Variants in MED12L observed in about 807,000 individuals in gnomAD.
The protein encoded by MED12L is mediator of RNA polymerase II transcription subunit 12-like protein.
A neutral mutation model predicts 281.3 loss-of-function variants in MED12L; 60 were observed. The ratio of observed to expected loss-of-function variants is 0.21; its 90% CI spans 0.17 to 0.26. The LOEUF is 0.26. Among genes scored for constraint, MED12L ranks in the 10% least tolerant of loss-of-function variants. The probability of loss-of-function intolerance (pLI) is 1.00; values close to 1 mark genes in which losing one functional copy is unlikely to be tolerated. For missense variants in MED12L, 2,146 were observed against 2,680.9 expected (o/e 0.80, Z 4.41); for synonymous variants, 974 against 987.2 (o/e 0.99, Z 0.25).
At chr3:151,203,681 CTTATT>C (rs1418164741) in intron 16 of MED12L, among the ~76,000 whole-genome samples, 1 of 151,478 alleles carries the variant, frequency 6.6e-6, no homozygotes, top group Non-Finnish European at 1.5e-5. Context: ...TTTTATTTAT[CTTATT>C]TTATGTTCAT....
intron 16 of MED12L, among the ~76,000 whole-genome samples, chr3:151,240,502 A>AT (rs1156423057): frequency 2.0e-5 from 3 of 152,208 alleles, no homozygotes; most frequent in Admixed American, 1.3e-4. Flanking sequence ...CTGTTTTAAA[A>AT]TTTATTTAAT....
At chr3:151,361,860 A>G (rs1754646370) in intron 21 of MED12L, among the ~76,000 whole-genome samples, 1 of 152,216 alleles carries the variant, frequency 6.6e-6, no homozygotes. Flanking sequence ...CATTCGTTGT[A>G]TCTTAGCACT....
intron 16 of MED12L, among the ~76,000 whole-genome samples, chr3:151,237,346 T>C (rs1281287858): frequency 4.3e-5 from 3 of 70,438 alleles, no homozygotes; most frequent in Non-Finnish European, 6.0e-5. Context: ...CTTTTTTTTT[T>C]TTTCTTTTTT....
At chr3:151,186,655 A>G (rs927698288) in intron 12 of MED12L, among the ~76,000 whole-genome samples, 4 of 152,102 alleles carry the variant, frequency 2.6e-5, no homozygotes, top group South Asian at 2.1e-4. Flanking sequence ...CTTCCTTTCC[A>G]GCATTCCTAG....
chr3:151,355,173 A>C lies in MED12L; in HGVS notation c.2451A>C (p.Thr817=), dbSNP rs778652021. Residue 817 remains threonine (T), a synonymous_variant, in exon 18 of 45, where the codon ACA becomes ACC. Transcript: ENST00000687756. Reference sequence around the variant, plus strand: ...AGAACAAACAGGAGACATTTCCAACACTGGAGACTGTGTTCACTAAACTCC... The same window carrying C: ...AGAACAAACAGGAGACATTTCCAACCCTGGAGACTGTGTTCACTAAACTCC... ...ARKNKQETFP[T]LETVFTKLQL... 1.2e-5 allele frequency: 20 copies of C among 1,613,930 alleles called. No homozygotes were observed. The highest frequency in any genetic ancestry group is 3.3e-5 in the South Asian group (3 of 91,084).
chr3:151,432,954 AG>A lies in MED12L; in HGVS notation c.*152del. On this transcript the variant is annotated 3_prime_UTR_variant, in exon 45 of 45. Coordinates refer to ENST00000687756, the MANE Select transcript of MED12L (RefSeq NM_001393769.1). ...TGCTACATCTCACAAAAAAAAAAAAAGGTGTTTAAACAAAAAGCCAAGGAGA... is the reference window on the plus strand; with the variant it reads ...TGCTACATCTCACAAAAAAAAAAAAAGTGTTTAAACAAAAAGCCAAGGAGA... 1.9e-6 allele frequency: 1 copy of A among 521,890 alleles called. No homozygotes were observed. Among genetic ancestry groups the A allele is most frequent in the South Asian group, 2.8e-5 (1 of 35,408 alleles). The allele number at this position is 521,890 out of a possible 1,614,324, so 32.3% of individuals were successfully genotyped here.
chr3:151,094,924 C>T (rs1720516319), intron 2 of MED12L, among the ~76,000 whole-genome samples: 2 of 152,154 alleles, frequency 1.3e-5, no homozygotes, highest in Admixed American at 1.3e-4. Context: ...GGTGCCTAGG[C>T]AGAGGGATCT....
intron 16 of MED12L, among the ~76,000 whole-genome samples, chr3:151,236,383 A>G (rs181702476): frequency 1.3e-5 from 2 of 152,356 alleles, no homozygotes; most frequent in East Asian, 3.9e-4. Context: ...TAGAATAATC[A>G]TAATTCTTGA....
intron 12 of MED12L, 35 bp downstream of exon 12, chr3:151,185,496 G>A (rs778592346): frequency 1.1e-4 from 175 of 1,609,622 alleles, no homozygotes; most frequent in Admixed American, 7.0e-4. Flanking sequence ...GTTGAATGCC[G>A]TAATGTAAAA....
chr3:151,201,245 T>A (rs562111141), intron 16 of MED12L, among the ~76,000 whole-genome samples: 27 of 150,636 alleles, frequency 1.8e-4, no homozygotes, highest in South Asian at 1.0e-3. Context: ...TCTCTCTCTC[T>A]CACACGCACA....
chr3:151,327,764 A>T (rs1259776244), intron 16 of MED12L: 1 of 377,284 alleles, frequency 2.7e-6, no homozygotes, highest in East Asian at 3.9e-5. Flanking sequence ...GAAAGAAATA[A>T]TGACCTCTAG....
intron 16 of MED12L, among the ~76,000 whole-genome samples, chr3:151,211,042 C>A (rs1345251478): frequency 6.6e-6 from 1 of 152,180 alleles, no homozygotes; most frequent in South Asian, 2.1e-4. Context: ...TCTGGGAAGT[C>A]GCTGGGTTAA....
intron 11 of MED12L, among the ~76,000 whole-genome samples, chr3:151,171,877 A>G (rs1051539073): frequency 1.1e-4 from 16 of 152,218 alleles, no homozygotes; most frequent in East Asian, 3.9e-4. Context: ...CCTGGGGTCT[A>G]TGTTTCTTCT....
intron 16 of MED12L, among the ~76,000 whole-genome samples, chr3:151,320,241 A>C (rs1273074761): frequency 6.6e-6 from 1 of 152,218 alleles, no homozygotes; most frequent in Non-Finnish European, 1.5e-5. Flanking sequence ...CTTCTTAAGG[A>C]AAATGCACAT....
chr3:151,292,288 C>CTTTTTTTTTTTTTTTTTTTT (rs35742538), intron 16 of MED12L, among the ~76,000 whole-genome samples: 3 of 139,894 alleles, frequency 2.1e-5, no homozygotes, highest in African/African-American at 8.2e-5. Context: ...AATATTGCTC[C>CTTTTTTTTTTTTTTTTTTTT]TTTTTTTTTT....
chr3:151,306,672 G>A lies in MED12L; in HGVS notation c.2251-43387G>A, dbSNP rs553068594. On this transcript the variant is annotated intron_variant, in intron 16 of 44. Transcript: ENST00000687756. ...ATGGGTGGGGAGTCATTTGTACCACGCCGGGGGAAACTCTGTCAGCAGGAA... is the reference window on the plus strand; with the variant it reads ...ATGGGTGGGGAGTCATTTGTACCACACCGGGGGAAACTCTGTCAGCAGGAA... Among the ~76,000 whole-genome samples the A allele has an allele frequency of 3.3e-5, 5 of 152,304 alleles. No homozygotes were observed. In the South Asian group the frequency reaches 6.2e-4, roughly 19 times the overall value.
intron 16 of MED12L, among the ~76,000 whole-genome samples, chr3:151,231,639 C>T (rs571337350): frequency 1.6e-4 from 24 of 152,148 alleles, no homozygotes; most frequent in East Asian, 9.6e-4. Flanking sequence ...AGGGGACAGT[C>T]GTAGATTAAA....
intron 16 of MED12L, among the ~76,000 whole-genome samples, chr3:151,318,205 A>G (rs1748541299): frequency 6.6e-6 from 1 of 152,064 alleles, no homozygotes; most frequent in Admixed American, 6.5e-5. Flanking sequence ...GTCCTGGGGA[A>G]GGTGTTTGAA....
chr3:151,304,413 A>C (rs2149740466), intron 16 of MED12L, among the ~76,000 whole-genome samples: 1 of 152,150 alleles, frequency 6.6e-6, no homozygotes, highest in South Asian at 2.1e-4. Context: ...GTCTCTACTA[A>C]AAATACAAAA....
Sources: gnomAD v4.1 joint callset for allele counts (sites outside exome capture counted in the v4.1 genomes callset) on GRCh38, gnomAD v4.1.1 for gene constraint, MANE v1.5 for transcripts, NCBI Gene and HGNC (gene_info 2026-07-23, HGNC 2026-07-21) for gene names.